The following WASHC2C variants were observed in gnomAD, a reference collection of about 807,000 sequenced individuals.
The protein encoded by WASHC2C is WASH complex subunit 2C, also known as Vaccinia Penetration Factor.
WASHC2C carries 73 observed loss-of-function variants against 142.2 expected under a neutral mutation model. The observed-to-expected ratio is 0.51, with a 90% CI of 0.43 to 0.62. WASHC2C has a LOEUF of 0.62. Ranked by LOEUF, WASHC2C falls within the 20% of genes least tolerant of loss-of-function variation. The pLI is 0.00. For synonymous variants in WASHC2C, 337 were observed against 565.5 expected (o/e 0.60, Z 5.73); for missense variants, 969 against 1,531.7 (o/e 0.63, Z 6.13).
intron 3 of WASHC2C, among the ~76,000 whole-genome samples, chr10:45,731,342 T>A (rs2050554786): frequency 7.8e-6 from 1 of 127,622 alleles, no homozygotes; most frequent in African/African-American, 3.1e-5. Flanking sequence ...TGCCCACACC[T>A]CCCATGTAGT....
intron 17 of WASHC2C, among the ~76,000 whole-genome samples, chr10:45,761,306 G>A (rs2055046138): frequency 6.6e-6 from 1 of 152,170 alleles, no homozygotes; most frequent in South Asian, 2.1e-4. Flanking sequence ...CTCAGAGAGA[G>A]CCCGATGGAG....
intron 3 of WASHC2C, among the ~76,000 whole-genome samples, chr10:45,736,516 T>C (rs1159239166): frequency 6.7e-6 from 1 of 150,248 alleles, no homozygotes; most frequent in Non-Finnish European, 1.5e-5. Flanking sequence ...AAGAGAATCA[T>C]TTGAGCCTGG....
upstream of WASHC2C, chr10:45,727,115 C>T (rs1312835720): frequency 5.0e-6 from 7 of 1,408,662 alleles, no homozygotes; most frequent in African/African-American, 1.5e-5. Context: ...TAGGGTAGAA[C>T]CCCAAACTCC....
intron 3 of WASHC2C, among the ~76,000 whole-genome samples, chr10:45,729,796 T>G (rs2050319993): frequency 6.7e-6 from 1 of 148,636 alleles, no homozygotes; most frequent in African/African-American, 2.5e-5. Flanking sequence ...CTCCCGAGAT[T>G]GTTAGATATA....
rs545311656 is a variant in WASHC2C, at chr10:45,728,864, A to T, written c.129A>T (p.Leu43=). ...QSWSLAADAG[L]LQFLQEFSQQ... ...TGTATGTTTATTTTTTAAAATAGCT[A>T]CTACAGTTTCTACAGGAATTCTCAC... The change falls in exon 3 of 31, where the codon CTA becomes CTT. Residue 43 remains leucine, a splice_region_variant and synonymous_variant. Transcript: ENST00000623400. The T allele has an allele frequency of 1.2e-6, 2 of 1,613,062 alleles. No homozygotes were observed. The highest frequency in any genetic ancestry group is 1.7e-6 in the Non-Finnish European group (2 of 1,179,616).
At chr10:45,744,385 G>A (rs1403998921) in intron 6 of WASHC2C, among the ~76,000 whole-genome samples, 27 of 146,492 alleles carry the variant, frequency 1.8e-4, no homozygotes, top group African/African-American at 5.3e-4. Flanking sequence ...CTGGACATAA[G>A]GGTATTATCC....
intron 16 of WASHC2C, among the ~76,000 whole-genome samples, chr10:45,757,744 C>T (rs1432344297): frequency 2.6e-5 from 4 of 152,148 alleles, no homozygotes; most frequent in African/African-American, 7.2e-5. Context: ...AGAGTGCAAC[C>T]TGCAATCTAG....
chr10:45,762,274 G>A (rs1308914082), intron 17 of WASHC2C, among the ~76,000 whole-genome samples: 3 of 152,072 alleles, frequency 2.0e-5, no homozygotes, highest in African/African-American at 7.2e-5. Flanking sequence ...GTGCAATGGT[G>A]GGATCTTGGC....
At chr10:45,780,789 T>C (rs1219963730) in intron 23 of WASHC2C, among the ~76,000 whole-genome samples, 3 of 151,480 alleles carry the variant, frequency 2.0e-5, no homozygotes, top group African/African-American at 7.3e-5. Flanking sequence ...GTTTCACTCT[T>C]GTCCCCCAGG....
chr10:45,770,630 A>G (rs2056485224), intron 20 of WASHC2C, among the ~76,000 whole-genome samples: 1 of 152,244 alleles, frequency 6.6e-6, no homozygotes, highest in African/African-American at 2.4e-5. Flanking sequence ...GAAGTACCTC[A>G]GGTTTCTGTC....
At chr10:45,743,066 G>A (rs1406113242) in intron 5 of WASHC2C, among the ~76,000 whole-genome samples, 3 of 150,614 alleles carry the variant, frequency 2.0e-5, no homozygotes, top group Non-Finnish European at 4.4e-5. Context: ...TAGTAGAGAC[G>A]GGGTTTCACC....
intron 21 of WASHC2C, among the ~76,000 whole-genome samples, 169 bp from the exon 22 acceptor site, chr10:45,777,102 GGT>G (rs1444101447): frequency 2.6e-5 from 4 of 151,464 alleles, no homozygotes; most frequent in African/African-American, 7.3e-5. Context: ...CCCGGGTGGT[GGT>G]GTTTGTTGCT....
At chr10:45,769,670 A>G in intron 20 of WASHC2C, 52 bp downstream of exon 20, 1 of 1,611,314 alleles carries the variant, frequency 6.2e-7, no homozygotes, top group Admixed American at 1.7e-5. Context: ...GGTAACAAGA[A>G]AAGGAATCTG....
chr10:45,790,432 T>A lies in WASHC2C; in HGVS notation c.3785T>A (p.Leu1262Ter). The change falls in exon 30 of 31, where the codon TTA (leucine) becomes TAA (stop). Residue 1262 changes from leucine to a stop codon, truncating the protein, a stop_gained. Transcript: ENST00000623400. LOFTEE classifies it high-confidence loss of function. ...AAGGAGAAAACATTGGAATCTAATTTATTTGATGATAACATTGATATCTTT... is the reference window on the plus strand; with the variant it reads ...AAGGAGAAAACATTGGAATCTAATTAATTTGATGATAACATTGATATCTTT... ...REKEKTLESN[L>*]FDDNIDIFAD... The A allele has an allele frequency of 6.2e-7, 1 of 1,611,014 alleles. No individual in the cohort carries two copies. Among genetic ancestry groups the A allele is most frequent in the Non-Finnish European group, 8.5e-7 (1 of 1,179,362 alleles).
intron 2 of WASHC2C, 144 bp downstream of exon 2, chr10:45,727,683 A>T: frequency 7.8e-7 from 1 of 1,274,716 alleles, no homozygotes; most frequent in Non-Finnish European, 1.0e-6. Flanking sequence ...AGCCCCCGAG[A>T]ATGCCACCCT....
chr10:45,742,307 T>TTTTATTTA (rs1335011690), intron 5 of WASHC2C, among the ~76,000 whole-genome samples: 50 of 150,858 alleles, frequency 3.3e-4, no homozygotes, highest in Middle Eastern at 3.4e-3. Flanking sequence ...TTATAATCTT[T>TTTTATTTA]TTTATTTATT....
chr10:45,727,164 C>T, upstream of WASHC2C: 1 of 1,447,386 alleles, frequency 6.9e-7, no homozygotes, highest in South Asian at 1.4e-5. Flanking sequence ...CCCTCAGCAT[C>T]GCAGGTCGGA....
At chr10:45,774,575 A>C (rs2135463197) in intron 21 of WASHC2C, among the ~76,000 whole-genome samples, 1 of 28,538 alleles carries the variant, frequency 3.5e-5, no homozygotes, top group East Asian at 7.4e-4. Context: ...TTTAGACAAT[A>C]GTAAATAAAA....
chr10:45,749,152 C>A (rs1349298003), intron 8 of WASHC2C, among the ~76,000 whole-genome samples: 1 of 151,936 alleles, frequency 6.6e-6, no homozygotes, highest in African/African-American at 2.4e-5. Context: ...GTGGCTCACG[C>A]CTGTAATCCC....
Sources: allele counts gnomAD v4.1 joint callset (sites outside exome capture counted in the v4.1 genomes callset), GRCh38; gene constraint gnomAD v4.1.1; transcripts MANE v1.5; gene names NCBI Gene and HGNC (gene_info 2026-07-23, HGNC 2026-07-21).